Variants in RAE1 observed in about 807,000 individuals in gnomAD.
RAE1 encodes the protein ribonucleic acid export 1.
In RAE1, 13 loss-of-function variants were observed where a neutral mutation model predicts 52.7. That is an observed-to-expected ratio of 0.25 (90% CI 0.16 to 0.39). The LOEUF (loss-of-function observed/expected upper bound fraction) is 0.39. Ranked by LOEUF, RAE1 falls within the 10% of genes least tolerant of loss-of-function variation. The pLI is 1.00. For missense variants in RAE1, 262 were observed against 459.8 expected (o/e 0.57, Z 3.93); for synonymous variants, 164 against 153.1 (o/e 1.07, Z -0.52).
At chr20:57,373,384 C>G in intron 8 of RAE1, 91 bp from the exon 9 acceptor site, 1 of 1,297,002 alleles carries the variant, frequency 7.7e-7, no homozygotes, top group Non-Finnish European at 1.1e-6. Flanking sequence ...CTTCTAAAAC[C>G]TAAACATGGG....
intron 4 of RAE1, among the ~76,000 whole-genome samples, chr20:57,364,631 A>C (rs1339872622): frequency 1.3e-5 from 2 of 152,196 alleles, no homozygotes; most frequent in Non-Finnish European, 2.9e-5. Context: ...CCCATTGTCT[A>C]TTTTTGTAAA....
At position 57,356,355 on chromosome 20, in the gene RAE1, G is replaced by A. The variant is rs1250999778; in HGVS notation, c.196-91G>A. On this transcript the variant is annotated intron_variant, in intron 3 of 11. Coordinates refer to ENST00000395841, the MANE Select transcript of RAE1 (RefSeq NM_003610.4). ...AGGTTGCTATGAGAAGTCTATGTAT[G>A]GTTAAGGTGTACCCCATTAGTTTTT... 4 of 920,582 alleles carry A rather than the reference G, an allele frequency of 4.3e-6. No individual in the cohort carries two copies. In the East Asian group the frequency reaches 1.1e-4, roughly 25 times the overall value. 57.0% of individuals were successfully genotyped at this position (920,582 alleles called of 1,614,324 possible).
chr20:57,353,867 G>A (rs961477311), intron 1 of RAE1, among the ~76,000 whole-genome samples, 165 bp from the exon 2 acceptor site: 10 of 152,200 alleles, frequency 6.6e-5, no homozygotes, highest in African/African-American at 1.4e-4. Context: ...TAAAATAGAA[G>A]GTTTATGTTT....
chr20:57,368,952 ATACT>A (rs2066996332), intron 8 of RAE1, 140 bp downstream of exon 8: 3 of 669,892 alleles, frequency 4.5e-6, no homozygotes, highest in Non-Finnish European at 7.8e-6. Flanking sequence ...ATAAACACAA[ATACT>A]TAGTGAGTGA....
At chr20:57,367,546 C>G (rs1206690717) in intron 7 of RAE1, among the ~76,000 whole-genome samples, 1 of 151,884 alleles carries the variant, frequency 6.6e-6, no homozygotes, top group African/African-American at 2.4e-5. Flanking sequence ...AGTTCGAGAC[C>G]ACCCTGGCCA....
intron 1 of RAE1, among the ~76,000 whole-genome samples, chr20:57,353,161 A>T (rs1242763597): frequency 6.6e-6 from 1 of 152,198 alleles, no homozygotes; most frequent in African/African-American, 2.4e-5. Context: ...TAGGATTGAA[A>T]TGTGGTTTCA....
rs1568798310 is a variant in RAE1, at chr20:57,378,682, C to T, written c.*583C>T. 1 of 152,350 alleles carries T rather than the reference C, an allele frequency of 6.6e-6. No individual in the cohort carries two copies. The highest frequency in any genetic ancestry group is 1.5e-5 in the Non-Finnish European group (1 of 68,140). 9.4% of individuals were successfully genotyped at this position (152,350 alleles called of 1,614,324 possible). On this transcript the variant is annotated 3_prime_UTR_variant, in exon 12 of 12. Transcript: ENST00000395841. ...CAGAGTTTGAATGTGTTTTTCCTTG[C>T]TTCCCTCATTCCCATCTTCAAAATC...
intron 11 of RAE1, 108 bp from the exon 12 acceptor site, chr20:57,377,905 A>G (rs2067139319): frequency 1.4e-6 from 1 of 726,690 alleles, no homozygotes; most frequent in East Asian, 2.7e-5. Context: ...TCTCTGAGAG[A>G]TTATATGTTT....
At chr20:57,354,690 A>T in intron 2 of RAE1, 22 bp from the exon 3 acceptor site, 1 of 1,529,256 alleles carries the variant, frequency 6.5e-7, no homozygotes, top group South Asian at 1.2e-5. Context: ...CATACATTTT[A>T]ACATTGACTT....
At chr20:57,377,243 C>A (rs553542977) in intron 11 of RAE1, among the ~76,000 whole-genome samples, 2 of 152,292 alleles carry the variant, frequency 1.3e-5, no homozygotes, top group South Asian at 2.1e-4. Context: ...AGCGCCATGC[C>A]CCACCTCCCT....
intron 1 of RAE1, chr20:57,351,906 C>G (rs543276794): frequency 2.6e-5 from 26 of 985,388 alleles, no homozygotes; most frequent in Non-Finnish European, 3.1e-5. Flanking sequence ...ACCGTACAGG[C>G]AGTACTTCTC....
rs2066975353 is a variant in RAE1 at position 57,367,611 on chromosome 20, A to C, written c.534+532A>C. Among the ~76,000 whole-genome samples, 3 of 151,984 alleles carry C rather than the reference A, an allele frequency of 2.0e-5. No homozygotes were observed. In the South Asian group the frequency reaches 6.2e-4, roughly 32 times the overall value. ...AAAAATTAGCTGGGCATGGTGGCGCACGTCTGTAATCCTAGCTATTCGGGA... is the reference window on the plus strand; with the variant it reads ...AAAAATTAGCTGGGCATGGTGGCGCCCGTCTGTAATCCTAGCTATTCGGGA... On this transcript the variant is annotated intron_variant, in intron 7 of 11. Coordinates refer to ENST00000395841, the MANE Select transcript of RAE1 (RefSeq NM_003610.4).
intron 2 of RAE1, among the ~76,000 whole-genome samples, chr20:57,354,355 G>A (rs1367263302): frequency 6.6e-6 from 1 of 152,224 alleles, no homozygotes; most frequent in Non-Finnish European, 1.5e-5. Context: ...GCAGATTCCG[G>A]TGCAGATTCC....
chr20:57,367,794 A>C (rs1044963104), intron 7 of RAE1, among the ~76,000 whole-genome samples: 2 of 150,740 alleles, frequency 1.3e-5, no homozygotes, highest in African/African-American at 4.9e-5. Flanking sequence ...CCATTTGTTT[A>C]GTCACATCTT....
Position 57,363,490 on chromosome 20 carries a change from C to T in RAE1, c.289-1866C>T, listed in dbSNP as rs533408486. ...ATGACACCACTGCATTCCAGCCTGG[C>T]AACAACCCTGTCTCAAAAAATAAAA... On this transcript the variant is annotated intron_variant, in intron 4 of 11. Transcript: ENST00000395841. Among the ~76,000 whole-genome samples the T allele has an allele frequency of 2.0e-5, 3 of 152,084 alleles. No individual in the cohort carries two copies. The South Asian group carries it at 6.2e-4, about 32-fold the overall frequency.
Position 57,354,086 on chromosome 20 carries a change from C to T in RAE1, c.48C>T (p.Ser16=). The stretch of plus-strand genomic sequence containing the variant: ...CAGGTTTTGGAACCAGTGGGACCAG[C>T]ATGTTTGGCAGTGCAACTACAGACA... ...TTSGFGTSGT[S]MFGSATTDNH... Residue 16 remains serine (S), a synonymous_variant, in exon 2 of 12, where the codon AGC becomes AGT. Coordinates refer to ENST00000395841, the MANE Select transcript of RAE1 (RefSeq NM_003610.4). The T allele has an allele frequency of 6.2e-7, 1 of 1,614,110 alleles. No homozygotes were observed. Among genetic ancestry groups the T allele is most frequent in the Non-Finnish European group, 8.5e-7 (1 of 1,179,974 alleles).
intron 1 of RAE1, chr20:57,351,790 C>T (rs2066713425): frequency 1.0e-6 from 1 of 985,508 alleles, no homozygotes; most frequent in Non-Finnish European, 1.2e-6. Context: ...TTAGCCTCTT[C>T]CACGTCAACC....
intron 3 of RAE1, among the ~76,000 whole-genome samples, chr20:57,356,202 A>G (rs540584985): frequency 5.3e-5 from 8 of 152,346 alleles, no homozygotes; most frequent in African/African-American, 1.9e-4. Context: ...TATCTCATAG[A>G]TGCATTGAGA....
chr20:57,351,357 A>G lies in RAE1; in HGVS notation c.-73A>G. The G allele has an allele frequency of 3.0e-6, 3 of 985,430 alleles. No individual in the cohort carries two copies. Among genetic ancestry groups the G allele is most frequent in the Non-Finnish European group, 3.6e-6 (3 of 829,948 alleles). The allele number at this position is 985,430 out of a possible 1,614,324, so 61.0% of individuals were successfully genotyped here. On this transcript the variant is annotated 5_prime_UTR_variant, in exon 1 of 12. Coordinates refer to ENST00000395841, the MANE Select transcript of RAE1 (RefSeq NM_003610.4). ...TGGCCCTCGTCCTTCGCGCCAGAGC[A>G]GGTTCGCAAACTCCTCAGACCCTTC...
Sources: gnomAD v4.1 joint callset for allele counts (sites outside exome capture counted in the v4.1 genomes callset) on GRCh38, gnomAD v4.1.1 for gene constraint, MANE v1.5 for transcripts, NCBI Gene and HGNC (gene_info 2026-07-23, HGNC 2026-07-21) for gene names.